The following MAPK9 variants were observed in gnomAD, a reference collection of about 807,000 sequenced individuals.
MAPK9 encodes mitogen-activated protein kinase 9, also known as Jun kinase.
A neutral mutation model predicts 57.1 loss-of-function variants in MAPK9; 30 were observed. That is an observed-to-expected ratio of 0.53 (90% CI 0.39 to 0.71). The LOEUF is 0.71. Among genes scored for constraint, MAPK9 ranks in the 30% least tolerant of loss-of-function variants. MAPK9 has a pLI of 0.00. For missense variants in MAPK9, 362 were observed against 521.0 expected (o/e 0.69, Z 2.97); for synonymous variants, 155 against 177.0 (o/e 0.88, Z 0.99).
rs1397676867 is a variant in MAPK9, at chr5:180,234,926, G to A, written c.*1458C>T. ...CTCAGAACACACTCTACAGAATGTCGACTGAAAAGCTTCCAAAATAATTGA... is the reference window on the plus strand; with the variant it reads ...CTCAGAACACACTCTACAGAATGTCAACTGAAAAGCTTCCAAAATAATTGA... On this transcript the variant is annotated 3_prime_UTR_variant, in exon 12 of 12. Transcript: ENST00000452135. 3.3e-5 allele frequency: 5 copies of A among 151,928 alleles called. No individual in the cohort carries two copies. Among genetic ancestry groups the A allele is most frequent in the African/African-American group, 4.8e-5 (2 of 41,352 alleles). 9.4% of individuals were successfully genotyped at this position (151,928 alleles called of 1,614,324 possible). A position where few individuals can be genotyped will look rare whatever the true frequency, so the allele number is the denominator to read the frequency against.
In MAPK9 at chr5:180,247,607, G is replaced by T. The variant is rs1485171071; in HGVS notation, c.617-97C>A. The T allele has an allele frequency of 8.8e-7, 1 of 1,130,512 alleles. No individual in the cohort carries two copies. The allele number at this position is 1,130,512 out of a possible 1,614,324, so 70.0% of individuals were successfully genotyped here. A position where few individuals can be genotyped will look rare whatever the true frequency, so the allele number is the denominator to read the frequency against. On this transcript the variant is annotated intron_variant, in intron 6 of 11. Transcript: ENST00000452135. This position sits in a 1 kb window ranked among gnomAD's most constrained non-coding sequence, Gnocchi z 4.5. ...ACAGTGCACTAAACACACAAATATGGAAAAATAAATTGCTAGCTAAGGGTG... is the reference window on the plus strand; with the variant it reads ...ACAGTGCACTAAACACACAAATATGTAAAAATAAATTGCTAGCTAAGGGTG...
At chr5:180,250,626 A>G (rs1281896425) in intron 5 of MAPK9, among the ~76,000 whole-genome samples, 1 of 152,174 alleles carries the variant, frequency 6.6e-6, no homozygotes, top group African/African-American at 2.4e-5. Context: ...GCAAGCAGGA[A>G]GCCATTTCGA....
At chr5:180,246,800 T>A (rs929201436) in intron 7 of MAPK9, 4 of 152,368 alleles carry the variant, frequency 2.6e-5, no homozygotes, top group Non-Finnish European at 1.5e-5. Flanking sequence ...ATTTTACATT[T>A]ATTTTGACTT....
intron 5 of MAPK9, among the ~76,000 whole-genome samples, chr5:180,251,973 C>T (rs1758755773): frequency 6.6e-6 from 1 of 152,110 alleles, no homozygotes; most frequent in Non-Finnish European, 1.5e-5. Flanking sequence ...CCTGTGGCCA[C>T]CCACCGGGTA....
At chr5:180,260,854 T>A (rs1313209700) in intron 5 of MAPK9, among the ~76,000 whole-genome samples, 1 of 152,190 alleles carries the variant, frequency 6.6e-6, no homozygotes, top group Non-Finnish European at 1.5e-5. Context: ...ATCAATTCCA[T>A]CTTTCTTTTT....
chr5:180,286,794 T>C (rs1489145757), intron 1 of MAPK9, among the ~76,000 whole-genome samples: 2 of 152,192 alleles, frequency 1.3e-5, no homozygotes, highest in Admixed American at 1.3e-4. Context: ...ACTGCACACA[T>C]GCCACTTTAG....
chr5:180,290,653 A>T (rs929047018), intron 1 of MAPK9, among the ~76,000 whole-genome samples: 4 of 152,248 alleles, frequency 2.6e-5, no homozygotes, highest in Non-Finnish European at 5.9e-5. Context: ...TTAGCAATTA[A>T]AGGGGTCAAG....
intron 7 of MAPK9, among the ~76,000 whole-genome samples, chr5:180,245,558 A>T (rs1026335627): frequency 2.6e-5 from 4 of 152,068 alleles, no homozygotes; most frequent in Non-Finnish European, 5.9e-5. Flanking sequence ...TACAGGTGGG[A>T]GGGATGGGGG....
chr5:180,280,004 C>A (rs1223615674), intron 2 of MAPK9: 3 of 456,840 alleles, frequency 6.6e-6, no homozygotes, highest in Admixed American at 2.3e-5. Context: ...CCTCATCCTG[C>A]CAATGAATGG....
intron 9 of MAPK9, among the ~76,000 whole-genome samples, chr5:180,240,565 C>G (rs1201186502): frequency 1.3e-5 from 2 of 152,258 alleles, no homozygotes; most frequent in African/African-American, 4.8e-5. Context: ...AAAGCTCACT[C>G]ACACCAGTGC....
At chr5:180,287,783 T>G (rs943691123) in intron 1 of MAPK9, among the ~76,000 whole-genome samples, 1 of 152,210 alleles carries the variant, frequency 6.6e-6, no homozygotes, top group African/African-American at 2.4e-5. Context: ...GCCCCCATTT[T>G]TGCCACCCTC....
At chr5:180,237,941 A>G (rs1757309630) in intron 11 of MAPK9, 2 of 159,218 alleles carry the variant, frequency 1.3e-5, no homozygotes, top group African/African-American at 4.8e-5. Context: ...GATCGAGACC[A>G]GCTTGGCCAA....
chr5:180,262,032 A>C (rs918428595), intron 4 of MAPK9, among the ~76,000 whole-genome samples: 10 of 152,132 alleles, frequency 6.6e-5, no homozygotes, highest in Admixed American at 1.3e-4. Context: ...AAAAAACAAC[A>C]ACCTTTTATA....
intron 4 of MAPK9, 24 bp downstream of exon 4, chr5:180,264,757 T>C: frequency 1.9e-6 from 3 of 1,560,686 alleles, no homozygotes; most frequent in Middle Eastern, 1.7e-4. Flanking sequence ...GTACAGTGCA[T>C]TACTGAATAA....
Position 180,247,511 on chromosome 5 carries a change from C to A in MAPK9, c.617-1G>T, listed in dbSNP as rs1434758077. 6.2e-7 allele frequency: 1 copy of A among 1,612,768 alleles called. No individual in the cohort carries two copies. Among genetic ancestry groups the A allele is most frequent in the African/African-American group, 1.3e-5 (1 of 74,820 alleles). ...ATGCAACCCACTGACCAGATATCAA[C>A]TGAAAATAAAATGAAATGATAAAAT... On this transcript the variant is annotated splice_acceptor_variant, in intron 6 of 11. Transcript: ENST00000452135. LOFTEE classifies it high-confidence loss of function. The surrounding 1 kb of genome is among the most constrained non-coding windows in gnomAD (Gnocchi z 4.5).
chr5:180,291,475 G>A lies in MAPK9; in HGVS notation c.-48+373C>T, dbSNP rs180752640. 3.8e-3 allele frequency among the ~76,000 whole-genome samples: 578 copies of A among 152,270 alleles called. 2 individuals are homozygous for A. Among genetic ancestry groups the A allele is most frequent in the Non-Finnish European group, 6.0e-3 (408 of 68,014 alleles). ...AGAAGAGACATTTCCCCACCTTCCC[G>A]AAGGCAAAACCGCGGCAGAGCGAGG... On this transcript the variant is annotated intron_variant, in intron 1 of 11. Coordinates refer to ENST00000452135, the MANE Select transcript of MAPK9 (RefSeq NM_002752.5).
At chr5:180,286,206 CAT>C (rs1762746133) in intron 1 of MAPK9, among the ~76,000 whole-genome samples, 1 of 129,790 alleles carries the variant, frequency 7.7e-6, no homozygotes, top group African/African-American at 3.0e-5. Flanking sequence ...AGTGCAGTGG[CAT>C]GATCTCGGCT....
At chr5:180,258,308 G>A (rs1024607215) in intron 5 of MAPK9, 4 of 152,318 alleles carry the variant, frequency 2.6e-5, no homozygotes, top group Non-Finnish European at 2.9e-5. Flanking sequence ...GAGAAACCCC[G>A]TGAATGTAGG....
At chr5:180,256,582 C>T (rs1163371095) in intron 5 of MAPK9, among the ~76,000 whole-genome samples, 2 of 152,126 alleles carry the variant, frequency 1.3e-5, no homozygotes, top group African/African-American at 4.8e-5. Flanking sequence ...GGAGAGGACA[C>T]AGCAAGATGC....
Sources: gnomAD v4.1 joint callset for allele counts (sites outside exome capture counted in the v4.1 genomes callset) on GRCh38, gnomAD v4.1.1 for gene constraint, Gnocchi (gnomAD v3.1) non-coding constraint, MANE v1.5 for transcripts, NCBI Gene and HGNC (gene_info 2026-07-23, HGNC 2026-07-21) for gene names.